PREX2: variants seen among roughly 807,000 people sequenced by gnomAD.
PREX2 encodes the protein phosphatidylinositol-3,4,5-trisphosphate dependent Rac exchange factor 2, also known as phosphatidylinositol 3,4,5-trisphosphate-dependent Rac exchanger 2 protein.
A neutral mutation model predicts 203.2 loss-of-function variants in PREX2; 107 were observed. The ratio of observed to expected loss-of-function variants is 0.53; its 90% confidence interval spans 0.45 to 0.62. The LOEUF (loss-of-function observed/expected upper bound fraction) is 0.62. PREX2 is among the 20% of genes least tolerant of loss of function. The pLI is 0.00. For synonymous variants in PREX2, 672 were observed against 663.6 expected (o/e 1.01, Z -0.19); for missense variants, 1,777 against 1,955.9 (o/e 0.91, Z 1.72).
intron 8 of PREX2, among the ~76,000 whole-genome samples, chr8:68,047,097 C>A (rs41534045): frequency 4.6e-5 from 7 of 151,776 alleles, no homozygotes; most frequent in African/African-American, 1.7e-4. Flanking sequence ...AGAGAAGGAC[C>A]AAGTGGAGAG....
intron 21 of PREX2, among the ~76,000 whole-genome samples, chr8:68,094,458 G>A (rs866517071): frequency 5.9e-5 from 9 of 152,124 alleles, no homozygotes; most frequent in Non-Finnish European, 1.0e-4. Context: ...CTGTTCAGTG[G>A]CTTCTTTGCC....
chr8:68,220,527 A>C (rs56105112), intron 38 of PREX2, among the ~76,000 whole-genome samples: 2 of 152,068 alleles, frequency 1.3e-5, no homozygotes, highest in African/African-American at 4.8e-5. Context: ...ACTGGACACA[A>C]AGAACAAAGA....
chr8:68,231,648 C>T lies in PREX2; in HGVS notation c.*270C>T, dbSNP rs1813173321. The T allele has an allele frequency of 3.1e-6, 1 of 324,154 alleles. No individual in the cohort carries two copies. Among genetic ancestry groups the T allele is most frequent in the African/African-American group, 2.1e-5 (1 of 47,254 alleles). The allele number at this position is 324,154 out of a possible 1,614,324, so 20.1% of individuals were successfully genotyped here. On this transcript the variant is annotated 3_prime_UTR_variant, in exon 40 of 40. Transcript: ENST00000288368. ...TAAGTATTCACTTTTAGAGTAAAAT[C>T]CATCCCTGGGACATAAAGAAAAAAA...
intron 1 of PREX2, among the ~76,000 whole-genome samples, chr8:68,016,069 C>G (rs1286693103): frequency 6.6e-6 from 1 of 152,144 alleles, no homozygotes; most frequent in Non-Finnish European, 1.5e-5. Context: ...GGAGCGAGAT[C>G]TTGTGGCTCA....
intron 10 of PREX2, among the ~76,000 whole-genome samples, chr8:68,060,185 T>C (rs556879477): frequency 6.6e-6 from 1 of 152,268 alleles, no homozygotes; most frequent in Non-Finnish European, 1.5e-5. Flanking sequence ...ACATGGTACA[T>C]GTGGTTTTGT....
chr8:68,210,439 G>C (rs182901191), intron 37 of PREX2, among the ~76,000 whole-genome samples: 1 of 152,216 alleles, frequency 6.6e-6, no homozygotes, highest in East Asian at 1.9e-4. Context: ...TATAATGATT[G>C]GCTACCAAGC....
chr8:68,133,978 G>C (rs1404133558), intron 31 of PREX2, 81 bp from the exon 32 acceptor site: 9 of 1,076,878 alleles, frequency 8.4e-6, no homozygotes, highest in Non-Finnish European at 1.3e-5. Context: ...TGAAATGCTA[G>C]TGAATGTAGA....
At position 68,083,401 on chromosome 8, in the gene PREX2, A is replaced by T. The variant is rs767519030; in HGVS notation, c.2027+13A>T. On this transcript the variant is annotated intron_variant, in intron 18 of 39. Transcript: ENST00000288368. ...CAAAGCCAAGAGAGTAAGTTGTATG[A>T]TTTATGTGTGATTTTTTAAAAGTTA... is the stretch of plus-strand genomic sequence containing the variant. 6.3e-7 allele frequency: 1 copy of T among 1,576,020 alleles called. No homozygotes were observed. Among genetic ancestry groups the T allele is most frequent in the Non-Finnish European group, 8.6e-7 (1 of 1,156,206 alleles).
At chr8:68,204,678 C>CTTTTTTTTTTTTTTTTTTTT (rs1192583427) in intron 37 of PREX2, among the ~76,000 whole-genome samples, 6 of 83,426 alleles carry the variant, frequency 7.2e-5, no homozygotes, top group African/African-American at 2.5e-4. Context: ...TTTCTTCTTT[C>CTTTTTTTTTTTTTTTTTTTT]TTTTTTTTTT....
intron 23 of PREX2, chr8:68,100,169 A>G (rs754505935): frequency 6.2e-6 from 3 of 483,398 alleles, no homozygotes; most frequent in East Asian, 1.2e-4. Flanking sequence ...TTAAAATTAT[A>G]CTATAGTTCT....
chr8:68,161,843 T>TA (rs1174975382), intron 35 of PREX2, among the ~76,000 whole-genome samples: 1 of 152,198 alleles, frequency 6.6e-6, no homozygotes, highest in Non-Finnish European at 1.5e-5. Flanking sequence ...CTCATACTGC[T>TA]AATAAAGACA....
At chr8:68,034,607 G>A (rs1807978373) in intron 6 of PREX2, among the ~76,000 whole-genome samples, 1 of 152,086 alleles carries the variant, frequency 6.6e-6, no homozygotes, top group African/African-American at 2.4e-5. Context: ...TAAGCATTGT[G>A]TTTTAGAAAG....
At chr8:68,199,726 A>C (rs1040488064) in intron 37 of PREX2, among the ~76,000 whole-genome samples, 1 of 152,250 alleles carries the variant, frequency 6.6e-6, no homozygotes, top group South Asian at 2.1e-4. Context: ...CAATTTAAAA[A>C]CCCACTTTTG....
intron 1 of PREX2, among the ~76,000 whole-genome samples, chr8:67,963,158 T>G (rs1314053931): frequency 1.3e-5 from 2 of 152,132 alleles, no homozygotes; most frequent in Non-Finnish European, 2.9e-5. Flanking sequence ...TGAGCAGAAG[T>G]GGCCTGGGTA....
intron 38 of PREX2, among the ~76,000 whole-genome samples, chr8:68,220,725 T>C (rs1226075679): frequency 6.6e-6 from 1 of 152,174 alleles, no homozygotes; most frequent in Non-Finnish European, 1.5e-5. Context: ...CATTTTTGTA[T>C]CACAGTTTCC....
intron 1 of PREX2, among the ~76,000 whole-genome samples, chr8:67,973,022 G>C (rs1236781116): frequency 2.0e-5 from 3 of 152,094 alleles, no homozygotes; most frequent in African/African-American, 4.8e-5. Flanking sequence ...AAGGCTCAGT[G>C]TCATCTTTGT....
chr8:68,014,752 T>C (rs1807365048), intron 1 of PREX2, among the ~76,000 whole-genome samples: 1 of 152,236 alleles, frequency 6.6e-6, no homozygotes, highest in African/African-American at 2.4e-5. Flanking sequence ...AAGTCTGCTT[T>C]TTGTTTTAGT....
intron 34 of PREX2, among the ~76,000 whole-genome samples, chr8:68,153,370 G>C (rs190533086): frequency 1.3e-5 from 2 of 152,132 alleles, no homozygotes; most frequent in Admixed American, 6.6e-5. Context: ...AATGTAGCCC[G>C]CTTCAGTCTA....
intron 19 of PREX2, among the ~76,000 whole-genome samples, chr8:68,088,634 T>A (rs919171312): frequency 4.6e-5 from 7 of 151,048 alleles, no homozygotes; most frequent in Non-Finnish European, 8.8e-5. Flanking sequence ...ATTACTTTCA[T>A]TATTGTATGT....
Sources: gnomAD v4.1 joint callset for allele counts (sites outside exome capture counted in the v4.1 genomes callset) on GRCh38, gnomAD v4.1.1 for gene constraint, MANE v1.5 for transcripts, NCBI Gene and HGNC (gene_info 2026-07-23, HGNC 2026-07-21) for gene names.